Variants in DIAPH2 observed in about 807,000 individuals in gnomAD.
The protein encoded by DIAPH2 is diaphanous related formin 2.
In DIAPH2, 35 loss-of-function variants were observed where a neutral mutation model predicts 92.7. The observed-to-expected ratio is 0.38, with a 90% CI of 0.29 to 0.50. DIAPH2 has a LOEUF of 0.50. Ranked by LOEUF, DIAPH2 falls within the 20% of genes least tolerant of loss-of-function variation. The probability of loss-of-function intolerance (pLI) is 0.94; values close to 1 mark genes in which losing one functional copy is unlikely to be tolerated. For missense variants in DIAPH2, 701 were observed against 819.5 expected, an observed-to-expected ratio of 0.86 and a Z score of 1.77; for synonymous variants, 301 against 280.4, an observed-to-expected ratio of 1.07 and a Z score of -0.73.
intron 21 of DIAPH2, among the ~76,000 whole-genome samples, chrX:97,116,665 T>C (rs2067019008): frequency 8.9e-6 from 1 of 111,876 alleles, no homozygotes; most frequent in African/African-American, 3.2e-5. Context: ...TAAAATATCA[T>C]CAGAAATTTG....
At chrX:97,252,982 A>G (rs2068201560) in intron 23 of DIAPH2, among the ~76,000 whole-genome samples, 1 of 111,417 alleles carries the variant, frequency 9.0e-6, no homozygotes, top group South Asian at 3.7e-4. Flanking sequence ...TTGAGAAGCA[A>G]ATTGTTTTAG....
intron 4 of DIAPH2, among the ~76,000 whole-genome samples, chrX:96,846,212 A>G (rs928494222): frequency 1.9e-5 from 2 of 107,959 alleles, no homozygotes; most frequent in African/African-American, 3.4e-5. Context: ...CAATGGTGCA[A>G]TCTTGGCTCA....
At chrX:97,110,992 A>AAC (rs1474712851) in intron 20 of DIAPH2, among the ~76,000 whole-genome samples, 3 of 95,528 alleles carry the variant, frequency 3.1e-5, no homozygotes, top group African/African-American at 1.5e-4. Flanking sequence ...CAAAAAAAAC[A>AAC]AACAAAAAAA....
chrX:97,215,848 A>C (rs1162320353), intron 22 of DIAPH2, among the ~76,000 whole-genome samples: 2 of 112,345 alleles, frequency 1.8e-5, no homozygotes, highest in East Asian at 5.6e-4. Context: ...GAGTGAGGAA[A>C]AATTGTAGTT....
chrX:96,904,716 T>G (rs1449407214), intron 5 of DIAPH2, among the ~76,000 whole-genome samples: 1 of 111,446 alleles, frequency 9.0e-6, no homozygotes, highest in Admixed American at 9.5e-5. Flanking sequence ...CACATGGAAC[T>G]CTTTCTTTCC....
intron 26 of DIAPH2, chrX:97,449,748 T>G: frequency 3.4e-6 from 2 of 593,235 alleles, no homozygotes; most frequent in Non-Finnish European, 4.1e-6. Flanking sequence ...GGGGAACCAG[T>G]GGCTGAATGA....
intron 4 of DIAPH2, among the ~76,000 whole-genome samples, chrX:96,824,987 T>C (rs2064803973): frequency 9.3e-6 from 1 of 107,200 alleles, no homozygotes; most frequent in Non-Finnish European, 1.9e-5. Flanking sequence ...ACTCTGTCCC[T>C]GAGGCTGGAG....
intron 4 of DIAPH2, among the ~76,000 whole-genome samples, chrX:96,866,067 A>G (rs1434203564): frequency 8.9e-6 from 1 of 111,948 alleles, no homozygotes; most frequent in Non-Finnish European, 1.9e-5. Flanking sequence ...TCACTCCTGT[A>G]TCATATCGAG....
intron 16 of DIAPH2, among the ~76,000 whole-genome samples, chrX:96,962,488 C>CATATATAT (rs1386129164): frequency 7.4e-5 from 2 of 27,038 alleles, no homozygotes; most frequent in African/African-American, 2.8e-4. Context: ...TACACACACA[C>CATATATAT]ACACACACAT....
chrX:97,045,804 A>G (rs1333467746), intron 17 of DIAPH2, among the ~76,000 whole-genome samples: 1 of 106,376 alleles, frequency 9.4e-6, no homozygotes, highest in Non-Finnish European at 1.9e-5. Flanking sequence ...AGGAGCATGG[A>G]GAAGGTGGTA....
chrX:96,982,074 A>C (rs2066001311), intron 17 of DIAPH2, among the ~76,000 whole-genome samples: 1 of 112,033 alleles, frequency 8.9e-6, no homozygotes, highest in African/African-American at 3.2e-5. Context: ...CATGTCTCTC[A>C]ATATAACACC....
At chrX:96,993,128 C>G (rs1451594610) in intron 17 of DIAPH2, among the ~76,000 whole-genome samples, 1 of 112,357 alleles carries the variant, frequency 8.9e-6, no homozygotes, top group East Asian at 2.8e-4. Context: ...TGATTGTGGT[C>G]CACTGGAGAA....
At chrX:96,814,440 G>A (rs1569403048) in intron 4 of DIAPH2, among the ~76,000 whole-genome samples, 1 of 111,290 alleles carries the variant, frequency 9.0e-6, no homozygotes, top group Non-Finnish European at 1.9e-5. Flanking sequence ...CTTTTTTCTA[G>A]GTTTTTAGCT....
intron 26 of DIAPH2, among the ~76,000 whole-genome samples, chrX:97,571,003 AT>A (rs1219323571): frequency 4.5e-5 from 5 of 111,845 alleles, no homozygotes; most frequent in African/African-American, 1.6e-4. Flanking sequence ...TTTTATAAAA[AT>A]ATACATACTT....
intron 22 of DIAPH2, among the ~76,000 whole-genome samples, chrX:97,204,346 T>G (rs1397987126): frequency 2.7e-5 from 3 of 111,262 alleles, no homozygotes; most frequent in Non-Finnish European, 5.6e-5. Flanking sequence ...GAGAAAGAAA[T>G]AAAGGGTATT....
intron 21 of DIAPH2, among the ~76,000 whole-genome samples, chrX:97,117,531 A>C (rs997413334): frequency 1.1e-4 from 12 of 112,119 alleles, no homozygotes; most frequent in African/African-American, 3.9e-4. Flanking sequence ...TTTTCTAATG[A>C]TAATTTCTTT....
intron 17 of DIAPH2, among the ~76,000 whole-genome samples, chrX:97,072,484 G>A (rs1394411866): frequency 8.9e-6 from 1 of 112,300 alleles, no homozygotes; most frequent in African/African-American, 3.2e-5. Flanking sequence ...GCAGGAATTT[G>A]TATATGGCAA....
intron 23 of DIAPH2, among the ~76,000 whole-genome samples, chrX:97,310,628 A>G (rs2147639363): frequency 8.9e-6 from 1 of 111,845 alleles, no homozygotes; most frequent in Non-Finnish European, 1.9e-5. Context: ...CCTGAAGCTC[A>G]TGAATGAGAG....
chrX:97,014,910 A>G (rs2066250360), intron 17 of DIAPH2, among the ~76,000 whole-genome samples: 1 of 111,983 alleles, frequency 8.9e-6, no homozygotes, highest in Non-Finnish European at 1.9e-5. Context: ...TGCCATTATT[A>G]TTGTTATTGT....
Sources: gnomAD v4.1 joint callset for allele counts (sites outside exome capture counted in the v4.1 genomes callset) on GRCh38, gnomAD v4.1.1 for gene constraint, MANE v1.5 for transcripts, NCBI Gene and HGNC (gene_info 2026-07-23, HGNC 2026-07-21) for gene names.